The following LUZP1 variants were observed in gnomAD, a reference collection of about 807,000 sequenced individuals.
LUZP1 encodes the protein leucine zipper protein 1, also known as filamin mechanobinding actin cross-linking protein.
LUZP1 carries 25 observed loss-of-function variants against 71.3 expected under a neutral mutation model. The ratio of observed to expected loss-of-function variants is 0.35; its 90% CI spans 0.26 to 0.49. The LOEUF (loss-of-function observed/expected upper bound fraction) is 0.49. Ranked by LOEUF, LUZP1 falls within the 20% of genes least tolerant of loss-of-function variation. LUZP1 has a pLI of 0.99. For synonymous variants in LUZP1, 481 were observed against 506.4 expected (o/e 0.95, Z 0.67); for missense variants, 1,142 against 1,300.8 (o/e 0.88, Z 1.88).
intron 2 of LUZP1, among the ~76,000 whole-genome samples, chr1:23,119,138 T>C (rs1644109541): frequency 6.6e-6 from 1 of 152,108 alleles, no homozygotes. Context: ...TTATACTTAC[T>C]ATCCCTACTA....
At chr1:23,091,454 G>A (rs773627902) in exon 4 of LUZP1, 10 of 1,614,130 alleles carry the variant, frequency 6.2e-6, no homozygotes, top group African/African-American at 1.3e-5. Context: ...TTCGAGTTGG[G>A]GGGTCTTCTA....
chr1:23,120,465 G>A (rs1235174394), intron 2 of LUZP1, among the ~76,000 whole-genome samples: 3 of 151,226 alleles, frequency 2.0e-5, no homozygotes, highest in South Asian at 2.1e-4. Flanking sequence ...GGGCTCAAGA[G>A]ACCCTCCCAC....
At chr1:23,159,683 G>A (rs1249034664) in intron 2 of LUZP1, among the ~76,000 whole-genome samples, 4 of 152,178 alleles carry the variant, frequency 2.6e-5, no homozygotes. Flanking sequence ...CATAGCCAAT[G>A]GCTAATAATA....
intron 3 of LUZP1, among the ~76,000 whole-genome samples, chr1:23,103,183 C>T (rs1643945186): frequency 6.6e-6 from 1 of 151,900 alleles, no homozygotes; most frequent in Non-Finnish European, 1.5e-5. Flanking sequence ...GCCATCCTCC[C>T]ACTTCGCCCT....
At chr1:23,102,829 A>C (rs758216152) in intron 3 of LUZP1, among the ~76,000 whole-genome samples, 1 of 152,210 alleles carries the variant, frequency 6.6e-6, no homozygotes, top group Non-Finnish European at 1.5e-5. Flanking sequence ...AAAAAGCAAA[A>C]GACAGTGGGC....
chr1:23,163,085 C>A (rs1327826268), intron 2 of LUZP1, among the ~76,000 whole-genome samples: 5 of 151,284 alleles, frequency 3.3e-5, no homozygotes, highest in Non-Finnish European at 5.9e-5. Flanking sequence ...ACTAAAAATA[C>A]AAAAATTAGC....
chr1:23,129,842 C>T (rs1644200071), intron 2 of LUZP1, among the ~76,000 whole-genome samples: 1 of 152,140 alleles, frequency 6.6e-6, no homozygotes, highest in Non-Finnish European at 1.5e-5. Flanking sequence ...GTGCCAGAAT[C>T]ACAATGGCAT....
At chr1:23,138,997 CAAA>C (rs535524035) in intron 2 of LUZP1, among the ~76,000 whole-genome samples, 132 of 21,542 alleles carry the variant, frequency 6.1e-3, no homozygotes, top group African/African-American at 0.023. Context: ...GACTCCATCT[CAAA>C]AAAAAAAAAA....
Position 23,093,702 on chromosome 1 carries a change from T to G in LUZP1, c.560A>C (p.Lys187Thr). ...ACTTACAAAGCTCAGAGTTAATGAT[T>G]TCAGCTTTTCTAACTCTGACGCTAA... Residue 187 changes from lysine to threonine, a missense_variant, in exon 4 of 5, where the codon AAA becomes ACA. Coordinates refer to ENST00000302291, the Ensembl canonical transcript of LUZP1. The surrounding 1 kb of genome is among the most constrained non-coding windows in gnomAD (Gnocchi z 4.2). 6.2e-7 allele frequency: 1 copy of G among 1,613,728 alleles called. No individual in the cohort carries two copies. The highest frequency in any genetic ancestry group is 8.5e-7 in the Non-Finnish European group (1 of 1,179,998).
intron 2 of LUZP1, among the ~76,000 whole-genome samples, chr1:23,144,492 A>G (rs1187602381): frequency 6.6e-6 from 1 of 152,224 alleles, no homozygotes; most frequent in Non-Finnish European, 1.5e-5. Context: ...CAACTCACAT[A>G]ACACCAACAG....
intron 3 of LUZP1, among the ~76,000 whole-genome samples, chr1:23,108,630 T>C (rs1381082588): frequency 6.6e-6 from 1 of 152,162 alleles, no homozygotes; most frequent in Non-Finnish European, 1.5e-5. Context: ...TAATGCAGGT[T>C]TGAAACCTAG....
chr1:23,167,953 CG>C (rs1287360854), intron 2 of LUZP1, among the ~76,000 whole-genome samples: 1 of 151,638 alleles, frequency 6.6e-6, no homozygotes, highest in Non-Finnish European at 1.5e-5. Context: ...CCGCGGCGGG[CG>C]GGGGGAGGCC....
chr1:23,092,465 A>G, exon 4 of LUZP1: 1 of 1,614,178 alleles, frequency 6.2e-7, no homozygotes, highest in Non-Finnish European at 8.5e-7. Flanking sequence ...ATAGAACAGG[A>G]GCCTTGGAAT....
intron 1 of LUZP1, among the ~76,000 whole-genome samples, chr1:23,176,963 T>C (rs2806558): frequency 0.52 from 79,169 of 151,748 alleles, 21,367 homozygotes; most frequent in African/African-American, 0.66. Context: ...CTCACCACAG[T>C]CTCAAACTCC....
At chr1:23,100,523 CTCACAGGATGTT>C (rs1450241174) in intron 3 of LUZP1, among the ~76,000 whole-genome samples, 1 of 152,226 alleles carries the variant, frequency 6.6e-6, no homozygotes, top group Non-Finnish European at 1.5e-5. Flanking sequence ...AACCACAACA[CTCACAGGATGTT>C]CAGCTCTAGT....
At chr1:23,107,360 A>C (rs746315519) in intron 3 of LUZP1, among the ~76,000 whole-genome samples, 1 of 152,196 alleles carries the variant, frequency 6.6e-6, no homozygotes, top group Non-Finnish European at 1.5e-5. Flanking sequence ...GTTTCCACCC[A>C]TTAGAATATA....
At chr1:23,110,454 T>C (rs1644018723) in intron 2 of LUZP1, among the ~76,000 whole-genome samples, 1 of 152,166 alleles carries the variant, frequency 6.6e-6, no homozygotes, top group Admixed American at 6.5e-5. Context: ...CTTTTGTACA[T>C]GATCTTACAA....
intron 2 of LUZP1, among the ~76,000 whole-genome samples, chr1:23,141,399 G>C (rs1007359609): frequency 2.6e-5 from 4 of 152,176 alleles, no homozygotes; most frequent in African/African-American, 9.7e-5. Context: ...AAGAAGACAG[G>C]TGTGTCCTTG....
chr1:23,124,093 C>G (rs1040543872), intron 2 of LUZP1, among the ~76,000 whole-genome samples: 4 of 152,028 alleles, frequency 2.6e-5, no homozygotes, highest in Non-Finnish European at 2.9e-5. Flanking sequence ...TAAGACCACC[C>G]AAGGTACACA....
Sources: gnomAD v4.1 joint callset for allele counts (sites outside exome capture counted in the v4.1 genomes callset) on GRCh38, gnomAD v4.1.1 for gene constraint, Gnocchi (gnomAD v3.1) non-coding constraint, MANE v1.5 for transcripts, NCBI Gene and HGNC (gene_info 2026-07-23, HGNC 2026-07-21) for gene names.